RYR2: variants seen among roughly 807,000 people sequenced by gnomAD.
The protein encoded by RYR2 is ryanodine receptor 2.
A neutral mutation model predicts 601.1 loss-of-function variants in RYR2; 227 were observed. That is an observed-to-expected ratio of 0.38 (90% CI 0.34 to 0.42). The LOEUF is 0.42. Ranked by LOEUF, RYR2 falls within the 10% of genes least tolerant of loss-of-function variation. The pLI is 1.00. For synonymous variants in RYR2, 2,223 were observed against 2,175.1 expected (o/e 1.02, Z -0.61); for missense variants, 4,646 against 6,156.5 (o/e 0.75, Z 8.21).
chr1:237,265,333 TG>T (rs1343561789), intron 1 of RYR2, among the ~76,000 whole-genome samples: 2 of 152,118 alleles, frequency 1.3e-5, no homozygotes, highest in African/African-American at 2.4e-5. Flanking sequence ...ATTGTTTGTT[TG>T]TTTTTTGAGC....
chr1:237,323,132 T>C (rs1369045096), intron 2 of RYR2, among the ~76,000 whole-genome samples: 1 of 152,184 alleles, frequency 6.6e-6, no homozygotes, highest in East Asian at 1.9e-4. Context: ...GATACTTGTT[T>C]TCCAGAGAGT....
At chr1:237,382,335 C>T (rs981592952) in intron 8 of RYR2, among the ~76,000 whole-genome samples, 1 of 152,192 alleles carries the variant, frequency 6.6e-6, no homozygotes, top group African/African-American at 2.4e-5. Flanking sequence ...CAAAAAATTT[C>T]TTTCTTTCTT....
At chr1:237,666,414 C>T in intron 56 of RYR2, 98 bp from the exon 57 acceptor site, 1 of 1,014,650 alleles carries the variant, frequency 9.9e-7, no homozygotes, top group Non-Finnish European at 1.5e-6. Context: ...TAAGGAAACA[C>T]TATGTTTGGA....
chr1:237,116,974 C>T (rs1278690473), intron 1 of RYR2, among the ~76,000 whole-genome samples: 1 of 152,154 alleles, frequency 6.6e-6, no homozygotes, highest in African/African-American at 2.4e-5. Flanking sequence ...ATCTGGGCAT[C>T]CTGTGGTCCA....
intron 1 of RYR2, among the ~76,000 whole-genome samples, chr1:237,113,106 G>A (rs770148533): frequency 3.3e-5 from 5 of 151,824 alleles, no homozygotes; most frequent in African/African-American, 7.3e-5. Flanking sequence ...TCTGAGGTTC[G>A]GTTTTCATAA....
chr1:237,247,183 CT>C (rs1278551341), intron 1 of RYR2, among the ~76,000 whole-genome samples: 5 of 152,146 alleles, frequency 3.3e-5, no homozygotes, highest in Non-Finnish European at 7.3e-5. Context: ...TTCTATGAGA[CT>C]GCTTGAGAAG....
rs534525828 is a variant in RYR2, at chr1:237,725,373, G to C, written c.10690-900G>C. ...AATATCCCTCTGCTAATGATAACAT[G>C]TGACTGAGTCACAGAGGAGCGTGCA... is the stretch of plus-strand genomic sequence containing the variant. On this transcript the variant is annotated intron_variant, in intron 74 of 104. Coordinates refer to ENST00000366574, the MANE Select transcript of RYR2 (RefSeq NM_001035.3). 7.9e-5 allele frequency among the ~76,000 whole-genome samples: 12 copies of C among 152,194 alleles called. No homozygotes were observed. The East Asian group carries it at 2.1e-3, about 27-fold the overall frequency.
At chr1:237,828,314 G>T in intron 101 of RYR2, 67 bp from the exon 102 acceptor site, 1 of 1,132,418 alleles carries the variant, frequency 8.8e-7, no homozygotes. Flanking sequence ...TCCCTGGGGG[G>T]ATTAGCCAAG....
intron 29 of RYR2, among the ~76,000 whole-genome samples, chr1:237,579,095 G>A (rs1673597028): frequency 6.6e-6 from 1 of 152,098 alleles, no homozygotes; most frequent in Non-Finnish European, 1.5e-5. Flanking sequence ...AGAAACAGAA[G>A]CAAATCTTCT....
In RYR2 at chr1:237,719,983, G is replaced by A. The variant is rs192933762; in HGVS notation, c.10554+1462G>A. Among the ~76,000 whole-genome samples, 70 of 152,332 alleles carry A rather than the reference G, an allele frequency of 4.6e-4. 1 individual carries two copies. The highest frequency in any genetic ancestry group is 2.7e-3 in the South Asian group (13 of 4,830). On this transcript the variant is annotated intron_variant, in intron 73 of 104. Coordinates refer to ENST00000366574, the MANE Select transcript of RYR2 (RefSeq NM_001035.3). The stretch of plus-strand genomic sequence containing the variant: ...GAGTTTACCTAAGGAGAAGAGAAGC[G>A]TGTACAGTTGGAATAAAAACATGGA...
intron 1 of RYR2, among the ~76,000 whole-genome samples, chr1:237,145,071 G>A (rs1292788562): frequency 6.6e-6 from 1 of 152,038 alleles, no homozygotes; most frequent in Non-Finnish European, 1.5e-5. Flanking sequence ...CCTGTCGGGG[G>A]GTTGGGGGAG....
intron 1 of RYR2, among the ~76,000 whole-genome samples, chr1:237,225,468 C>A (rs2149161749): frequency 6.6e-6 from 1 of 152,226 alleles, no homozygotes; most frequent in Non-Finnish European, 1.5e-5. Flanking sequence ...CTTATAAAAC[C>A]TTCAGATCTT....
At chr1:237,808,856 T>C (rs1660950178) in intron 99 of RYR2, 45 bp from the exon 100 acceptor site, 3 of 1,604,352 alleles carry the variant, frequency 1.9e-6, no homozygotes, top group African/African-American at 2.7e-5. Flanking sequence ...GTCAATTGTA[T>C]GTCCTACATT....
At chr1:237,054,346 C>T (rs1358635657) in intron 1 of RYR2, among the ~76,000 whole-genome samples, 4 of 148,322 alleles carry the variant, frequency 2.7e-5, no homozygotes, top group Non-Finnish European at 4.5e-5. Flanking sequence ...CCCCTCCCTC[C>T]ATCTGTCAGG....
At chr1:237,136,825 G>T (rs1311761084) in intron 1 of RYR2, among the ~76,000 whole-genome samples, 1 of 151,976 alleles carries the variant, frequency 6.6e-6, no homozygotes, top group Non-Finnish European at 1.5e-5. Context: ...AGACCAGCCT[G>T]GCCAACATGG....
At chr1:237,122,648 C>T (rs12095795) in intron 1 of RYR2, among the ~76,000 whole-genome samples, 8,903 of 152,180 alleles carry the variant, frequency 0.059, 873 homozygotes, top group African/African-American at 0.2. Context: ...CGCCACTGCA[C>T]TCCAGCCTGG....
intron 24 of RYR2, among the ~76,000 whole-genome samples, chr1:237,527,517 G>A (rs10737817): frequency 0.23 from 34,353 of 152,014 alleles, 4,452 homozygotes; most frequent in South Asian, 0.38. Flanking sequence ...TACACGGTCA[G>A]ATCTTAATAC....
chr1:237,425,833 A>G (rs185159126), intron 12 of RYR2, among the ~76,000 whole-genome samples: 100 of 152,228 alleles, frequency 6.6e-4, no homozygotes, highest in African/African-American at 2.2e-3. Flanking sequence ...CAGTCCAAAT[A>G]CATGTCGTTC....
intron 6 of RYR2, among the ~76,000 whole-genome samples, chr1:237,370,433 A>G (rs1408842799): frequency 6.6e-6 from 1 of 152,126 alleles, no homozygotes. Context: ...AAAGAAAAAA[A>G]TATTTTCTAC....
Sources: allele counts gnomAD v4.1 joint callset (sites outside exome capture counted in the v4.1 genomes callset), GRCh38; gene constraint gnomAD v4.1.1; transcripts MANE v1.5; gene names NCBI Gene and HGNC (gene_info 2026-07-23, HGNC 2026-07-21).